DIMT1: variants seen among roughly 807,000 people sequenced by gnomAD.
The protein encoded by DIMT1 is DIM1 rRNA methyltransferase and ribosome maturation factor.
Under a neutral mutation model 43.2 loss-of-function variants are expected in DIMT1, and 36 were observed. The ratio of observed to expected loss-of-function variants is 0.83; its 90% confidence interval spans 0.64 to 1.10. DIMT1 has a LOEUF of 1.10. Ranked by LOEUF, DIMT1 falls within the 50% of genes least tolerant of loss-of-function variation. The probability of loss-of-function intolerance (pLI) is 0.00; values close to 1 mark genes in which losing one functional copy is unlikely to be tolerated. For missense variants in DIMT1, 341 were observed against 385.3 expected (o/e 0.88, Z 0.96); for synonymous variants, 126 against 130.3 (o/e 0.97, Z 0.22).
chr5:62,399,087 T>C (rs1026759390), intron 3 of DIMT1, among the ~76,000 whole-genome samples: 47 of 152,124 alleles, frequency 3.1e-4, no homozygotes, highest in African/African-American at 1.1e-3. Flanking sequence ...ATCCCAGCAC[T>C]TTGGAAGGCT....
chr5:62,403,221 G>A, intron 2 of DIMT1, 52 bp downstream of exon 2: 5 of 1,516,150 alleles, frequency 3.3e-6, no homozygotes, highest in South Asian at 2.3e-5. Flanking sequence ...TGTATTCATA[G>A]GAATAAAATT....
intron 5 of DIMT1, 28 bp from the exon 6 acceptor site, chr5:62,398,588 G>A (rs766834493): frequency 1.8e-5 from 29 of 1,612,550 alleles, no homozygotes; most frequent in East Asian, 1.1e-4. Context: ...AGTTATTTCC[G>A]GGAAAGACAC....
intron 3 of DIMT1, among the ~76,000 whole-genome samples, chr5:62,399,948 T>C (rs1042438489): frequency 1.3e-5 from 2 of 151,420 alleles, no homozygotes; most frequent in Admixed American, 1.3e-4. Context: ...CCCAGAAAAG[T>C]AGACAACCAG....
intron 7 of DIMT1, 92 bp from the exon 8 acceptor site, chr5:62,394,139 G>A: frequency 8.6e-7 from 1 of 1,157,420 alleles, no homozygotes; most frequent in Non-Finnish European, 1.3e-6. Context: ...ACAACTGGAT[G>A]CTCAAGGATG....
intron 10 of DIMT1, chr5:62,391,209 G>T (rs1742296002): frequency 4.8e-6 from 2 of 414,240 alleles, no homozygotes; most frequent in Non-Finnish European, 8.5e-6. Flanking sequence ...GTCTATATTA[G>T]CCATTTTCTT....
intron 3 of DIMT1, 135 bp downstream of exon 3, chr5:62,401,901 A>C: frequency 1.1e-6 from 1 of 869,990 alleles, no homozygotes; most frequent in Non-Finnish European, 1.7e-6. Flanking sequence ...ATATTTTCTA[A>C]GACAAAATTT....
chr5:62,392,044 T>TA, intron 10 of DIMT1, 127 bp downstream of exon 10: 1 of 1,569,692 alleles, frequency 6.4e-7, no homozygotes, highest in Non-Finnish European at 8.6e-7. Flanking sequence ...TAGTTATACA[T>TA]TATATATTGT....
In DIMT1 at chr5:62,388,720, T is replaced by G. The variant is rs926096066; in HGVS notation, c.*290A>C. ...AGTAAATAGAAGAGTAACATCTTTA[T>G]ACAATAAACTGTTAGAAATGATAAG... is the stretch of plus-strand genomic sequence containing the variant. On this transcript the variant is annotated 3_prime_UTR_variant, in exon 12 of 12. Transcript: ENST00000199320. The G allele has an allele frequency of 2.6e-6, 1 of 384,684 alleles. No homozygotes were observed. The highest frequency in any genetic ancestry group is 4.4e-5 in the Admixed American group (1 of 22,958). 23.8% of individuals were successfully genotyped at this position (384,684 alleles called of 1,614,324 possible).
At chr5:62,395,655 C>T (rs1742459375) in intron 6 of DIMT1, among the ~76,000 whole-genome samples, 1 of 152,026 alleles carries the variant, frequency 6.6e-6, no homozygotes, top group South Asian at 2.1e-4. Context: ...AGTTTGAAAG[C>T]CACTAGTATA....
chr5:62,389,959 G>A (rs1742225796), intron 11 of DIMT1, among the ~76,000 whole-genome samples: 1 of 152,198 alleles, frequency 6.6e-6, no homozygotes, highest in South Asian at 2.1e-4. Flanking sequence ...AAGCAAAGTA[G>A]ATATTTATGA....
intron 6 of DIMT1, among the ~76,000 whole-genome samples, chr5:62,396,640 T>C (rs1742507213): frequency 6.6e-6 from 1 of 152,202 alleles, no homozygotes; most frequent in Admixed American, 6.5e-5. Flanking sequence ...TGGAGGAATC[T>C]CTGGGGAAGC....
intron 10 of DIMT1, 160 bp downstream of exon 10, chr5:62,392,011 C>G (rs1255920554): frequency 5.2e-6 from 8 of 1,546,600 alleles, no homozygotes; most frequent in Non-Finnish European, 7.0e-6. Context: ...ACTGACCTGT[C>G]AGAATTCAAG....
At chr5:62,394,445 T>C in intron 7 of DIMT1, 39 bp downstream of exon 7, 1 of 1,600,104 alleles carries the variant, frequency 6.2e-7, no homozygotes, top group Non-Finnish European at 8.6e-7. Flanking sequence ...AGTGAGATTC[T>C]ATCTCAGAAA....
intron 3 of DIMT1, among the ~76,000 whole-genome samples, chr5:62,401,779 C>T (rs1360400427): frequency 6.6e-6 from 1 of 151,724 alleles, no homozygotes; most frequent in Non-Finnish European, 1.5e-5. Context: ...GATGGGGTTT[C>T]ACCATATTGC....
chr5:62,398,304 C>CT, intron 6 of DIMT1: 1 of 534,916 alleles, frequency 1.9e-6, no homozygotes. Flanking sequence ...TAGGGAAAGG[C>CT]TGTCTGGTCT....
chr5:62,398,922 A>AAT, intron 3 of DIMT1, 41 bp from the exon 4 acceptor site: 1 of 1,443,612 alleles, frequency 6.9e-7, no homozygotes, highest in Non-Finnish European at 9.5e-7. Context: ...TTAATTATGG[A>AAT]ATATAAATCT....
chr5:62,392,103 CA>C, intron 10 of DIMT1, 67 bp downstream of exon 10: 1 of 1,604,316 alleles, frequency 6.2e-7, no homozygotes, highest in South Asian at 1.1e-5. Context: ...GCTAGATCAA[CA>C]AGAATAAAAA....
At chr5:62,390,176 A>T (rs1461178048) in intron 11 of DIMT1, among the ~76,000 whole-genome samples, 5 of 152,238 alleles carry the variant, frequency 3.3e-5, no homozygotes. Context: ...TTGGCTAAAT[A>T]GGCAAGACCT....
Position 62,388,997 on chromosome 5 carries a change from GT to G in DIMT1, c.*12del, listed in dbSNP as rs1285189429. The G allele has an allele frequency of 6.2e-7, 1 of 1,603,574 alleles. No homozygotes were observed. Among genetic ancestry groups the G allele is most frequent in the Non-Finnish European group, 8.5e-7 (1 of 1,176,010 alleles). On this transcript the variant is annotated 3_prime_UTR_variant, in exon 12 of 12. Transcript: ENST00000199320. ...TCTTTTCTTGACCTTGAAAATTTCT[GT>G]TTTCCAAATACCTAGGAAAAATGAA...
Sources: gnomAD v4.1 joint callset for allele counts (sites outside exome capture counted in the v4.1 genomes callset) on GRCh38, gnomAD v4.1.1 for gene constraint, MANE v1.5 for transcripts, NCBI Gene and HGNC (gene_info 2026-07-23, HGNC 2026-07-21) for gene names.